Variants in CYRIB observed in about 807,000 individuals in gnomAD.
The protein encoded by CYRIB is CYFIP-related Rac1 interactor B.
A neutral mutation model predicts 44.2 loss-of-function variants in CYRIB; 8 were observed. The ratio of observed to expected loss-of-function variants is 0.18; its 90% confidence interval spans 0.11 to 0.33. The LOEUF (loss-of-function observed/expected upper bound fraction) is 0.33, where lower values mean the gene tolerates loss of function less well. CYRIB is among the 10% of genes least tolerant of loss of function. The probability of loss-of-function intolerance (pLI) is 1.00; values close to 1 mark genes in which losing one functional copy is unlikely to be tolerated. For synonymous variants in CYRIB, 131 were observed against 127.2 expected (o/e 1.03, Z -0.20); for missense variants, 185 against 382.8 (o/e 0.48, Z 4.31).
In CYRIB at chr8:129,871,536, G is replaced by T. The variant is rs183918697; in HGVS notation, c.74-40C>A. 256 of 1,596,518 alleles carry T rather than the reference G, an allele frequency of 1.6e-4. No individual in the cohort carries two copies. The African/African-American group carries it at 3.2e-3, about 20-fold the overall frequency. On this transcript the variant is annotated intron_variant, in intron 3 of 11. Coordinates refer to ENST00000519824, the Ensembl canonical transcript of CYRIB. ...AGCACAAGAAAATTTACAGTGACATGAATTTTTTAAAATACATGTGTAACT... is the reference window on the plus strand; with the variant it reads ...AGCACAAGAAAATTTACAGTGACATTAATTTTTTAAAATACATGTGTAACT...
intron 1 of CYRIB, among the ~76,000 whole-genome samples, chr8:129,992,214 G>C (rs139121599): frequency 3.2e-4 from 48 of 151,768 alleles, no homozygotes; most frequent in African/African-American, 1.1e-3. Flanking sequence ...CCAGCTATTC[G>C]GAGGGCTGAG....
intron 1 of CYRIB, among the ~76,000 whole-genome samples, chr8:129,973,957 T>C (rs1161317014): frequency 6.6e-6 from 1 of 152,176 alleles, no homozygotes; most frequent in African/African-American, 2.4e-5. Flanking sequence ...TTAAGCTACC[T>C]GAGGGCTCAT....
chr8:129,988,801 T>C (rs1385402093), intron 1 of CYRIB, among the ~76,000 whole-genome samples: 2 of 151,742 alleles, frequency 1.3e-5, no homozygotes, highest in South Asian at 2.1e-4. Context: ...CTTGTTTTAA[T>C]TGAAAAACGA....
exon 4 of CYRIB, chr8:129,871,376 T>G: frequency 6.2e-7 from 1 of 1,603,570 alleles, no homozygotes. Context: ...GCGCTTTACC[T>G]CTCGTATTTC....
chr8:130,006,607 C>CACACATATATATGTATATATATATACAT (rs1359122569), intron 1 of CYRIB, among the ~76,000 whole-genome samples: 1 of 7,136 alleles, frequency 1.4e-4, no homozygotes, highest in African/African-American at 4.1e-4. Context: ...TATATATATA[C>CACACATATATATGTATATATATATACAT]ATATATATGT....
intron 1 of CYRIB, among the ~76,000 whole-genome samples, chr8:129,907,517 C>T (rs1287496182): frequency 6.6e-6 from 1 of 151,996 alleles, no homozygotes. Flanking sequence ...GGGTGCAGCA[C>T]ACCAACATGG....
intron 1 of CYRIB, among the ~76,000 whole-genome samples, chr8:130,009,812 G>A (rs1358781162): frequency 6.6e-6 from 1 of 152,176 alleles, no homozygotes; most frequent in Non-Finnish European, 1.5e-5. Flanking sequence ...TGACAATTCT[G>A]GTTCTGCAGT....
At chr8:129,923,571 G>T (rs536742800) in intron 1 of CYRIB, among the ~76,000 whole-genome samples, 1 of 151,938 alleles carries the variant, frequency 6.6e-6, no homozygotes, top group Non-Finnish European at 1.5e-5. Flanking sequence ...CACTGCACCC[G>T]GCCAAGTCAA....
At chr8:129,942,009 C>T (rs570596399), upstream of CYRIB, among the ~76,000 whole-genome samples, 15 of 152,224 alleles carry the variant, frequency 9.9e-5, no homozygotes, top group African/African-American at 3.6e-4. Flanking sequence ...AGGGAGCTTA[C>T]AGTCCAGCAA....
intron 1 of CYRIB, among the ~76,000 whole-genome samples, chr8:129,991,133 GAAAAAAAA>G (rs35682865): frequency 1.5e-5 from 1 of 67,750 alleles, no homozygotes; most frequent in Non-Finnish European, 2.9e-5. Flanking sequence ...CTCTGTCTCA[GAAAAAAAA>G]AAAAAAAAAA....
intron 1 of CYRIB, among the ~76,000 whole-genome samples, chr8:130,009,424 C>T (rs540133744): frequency 1.1e-4 from 16 of 152,188 alleles, no homozygotes; most frequent in Admixed American, 5.2e-4. Flanking sequence ...CCAGCCAACA[C>T]GCCCAGCTAA....
At chr8:129,892,044 T>TA (rs961290542) in intron 2 of CYRIB, among the ~76,000 whole-genome samples, 12 of 152,036 alleles carry the variant, frequency 7.9e-5, no homozygotes, top group African/African-American at 1.2e-4. Flanking sequence ...CATTAAATGT[T>TA]AAAAAAACCT....
At chr8:130,003,398 G>A (rs917847675) in intron 1 of CYRIB, among the ~76,000 whole-genome samples, 1 of 152,238 alleles carries the variant, frequency 6.6e-6, no homozygotes, top group South Asian at 2.1e-4. Context: ...CGAAGACCTG[G>A]TTGGCCACCA....
chr8:129,887,582 C>T (rs1024452365), intron 2 of CYRIB, among the ~76,000 whole-genome samples: 4 of 152,180 alleles, frequency 2.6e-5, no homozygotes, highest in Admixed American at 1.3e-4. Context: ...GCACCATGCA[C>T]CTGGAAAAGC....
chr8:129,840,615 C>T lies in CYRIB; in HGVS notation c.*1527G>A, dbSNP rs139826181. The T allele has an allele frequency of 5.0e-3, 763 of 152,366 alleles. 3 individuals carry two copies. Among genetic ancestry groups the T allele is most frequent in the Non-Finnish European group, 8.0e-3 (542 of 68,102 alleles). The allele number at this position is 152,366 out of a possible 1,614,324, so 9.4% of individuals were successfully genotyped here. ...GGCTTCATGAAGGAGGTAATAGAAG[C>T]TAACCCTTCAAAGATGAAAGTTGGC... On this transcript the variant is annotated 3_prime_UTR_variant, in exon 12 of 12. Transcript: ENST00000519824.
chr8:129,902,927 T>G (rs1454225035), intron 2 of CYRIB: 1 of 152,520 alleles, frequency 6.6e-6, no homozygotes, highest in Non-Finnish European at 1.5e-5. Flanking sequence ...CTTAAGATTA[T>G]GTGTAAAGTG....
At chr8:129,884,195 T>C (rs298608) in intron 2 of CYRIB, among the ~76,000 whole-genome samples, 3 of 152,044 alleles carry the variant, frequency 2.0e-5, no homozygotes, top group Non-Finnish European at 4.4e-5. Context: ...ATACCCCTTT[T>C]AGCTGTTGAG....
At chr8:129,935,430 C>A (rs1448177606) in intron 1 of CYRIB, among the ~76,000 whole-genome samples, 1 of 152,122 alleles carries the variant, frequency 6.6e-6, no homozygotes, top group Non-Finnish European at 1.5e-5. Flanking sequence ...ACATGGAGCA[C>A]AAAACCTGGA....
chr8:129,973,876 G>A (rs2095813850), intron 1 of CYRIB, among the ~76,000 whole-genome samples: 1 of 152,060 alleles, frequency 6.6e-6, no homozygotes. Flanking sequence ...CTCCCACCCA[G>A]TCCCTCACCT....
Sources: gnomAD v4.1 joint callset for allele counts (sites outside exome capture counted in the v4.1 genomes callset) on GRCh38, gnomAD v4.1.1 for gene constraint, MANE v1.5 for transcripts, NCBI Gene and HGNC (gene_info 2026-07-23, HGNC 2026-07-21) for gene names.